Variants in COG5 observed in about 807,000 individuals in gnomAD.
COG5 encodes the protein component of oligomeric golgi complex 5.
A neutral mutation model predicts 110.4 loss-of-function variants in COG5; 86 were observed. The observed-to-expected ratio is 0.78, with a 90% confidence interval of 0.65 to 0.93. The LOEUF is 0.93. COG5 is among the 40% of genes least tolerant of loss of function. COG5 has a pLI of 0.00. For missense variants in COG5, 1,077 were observed against 987.0 expected, an observed-to-expected ratio of 1.09 and a Z score of -1.22; for synonymous variants, 360 against 334.6, an observed-to-expected ratio of 1.08 and a Z score of -0.83.
chr7:107,506,881 G>A (rs1200888171), intron 6 of COG5, among the ~76,000 whole-genome samples: 1 of 152,188 alleles, frequency 6.6e-6, no homozygotes, highest in African/African-American at 2.4e-5. Context: ...AATTCAGTTG[G>A]GAGGTTCTTT....
At position 107,548,099 on chromosome 7, in the gene COG5, G is replaced by T. The variant is rs757628356; in HGVS notation, c.417+12C>A. The T allele has an allele frequency of 3.1e-6, 5 of 1,605,772 alleles. No individual in the cohort carries two copies. Among genetic ancestry groups the T allele is most frequent in the Admixed American group, 3.3e-5 (2 of 59,936 alleles). On this transcript the variant is annotated intron_variant, in intron 5 of 21. Transcript: ENST00000297135. ...AATAATAAAGTATAAAGAAATAAAA[G>T]TAAGAAACTACCTGAAGTCTTGCTA...
At chr7:107,272,176 G>A (rs1178303583) in intron 14 of COG5, among the ~76,000 whole-genome samples, 1 of 152,082 alleles carries the variant, frequency 6.6e-6, no homozygotes, top group East Asian at 1.9e-4. Flanking sequence ...AGTCAAGCTG[G>A]GAACTGCTTA....
At chr7:107,546,868 G>T (rs1802494202) in intron 5 of COG5, among the ~76,000 whole-genome samples, 1 of 152,024 alleles carries the variant, frequency 6.6e-6, no homozygotes, top group African/African-American at 2.4e-5. Flanking sequence ...TGAGTACAGA[G>T]ATTAAATCAG....
At chr7:107,432,021 A>AGT (rs759537741) in intron 6 of COG5, among the ~76,000 whole-genome samples, 10 of 151,936 alleles carry the variant, frequency 6.6e-5, no homozygotes, top group South Asian at 6.2e-4. Flanking sequence ...TTAAACAGGA[A>AGT]GTGTGTGTGT....
chr7:107,506,937 T>C (rs543073877), intron 6 of COG5, among the ~76,000 whole-genome samples: 54 of 152,346 alleles, frequency 3.5e-4, no homozygotes, highest in Admixed American at 2.3e-3. Flanking sequence ...TTCCATGAGA[T>C]ACACTGTGAG....
At chr7:107,543,143 A>G (rs1802166206) in intron 5 of COG5, among the ~76,000 whole-genome samples, 1 of 152,216 alleles carries the variant, frequency 6.6e-6, no homozygotes, top group Non-Finnish European at 1.5e-5. Context: ...CAGCTTGCAG[A>G]CACATTAATT....
intron 5 of COG5, among the ~76,000 whole-genome samples, chr7:107,533,566 G>C (rs566755572): frequency 2.6e-5 from 4 of 151,604 alleles, no homozygotes; most frequent in Non-Finnish European, 4.4e-5. Flanking sequence ...AAGGATATCA[G>C]AGACTGACGA....
chr7:107,398,327 G>A lies in COG5; in HGVS notation c.669+14175C>T, dbSNP rs187364943. ...AATCAGGAGTTCCCAACGCCCCTGG[G>A]CTGCTGACCAGTAAGAGTCGGTGGC... On this transcript the variant is annotated intron_variant, in intron 7 of 21. Coordinates refer to ENST00000297135, the MANE Select transcript of COG5 (RefSeq NM_006348.5). 4.3e-3 allele frequency among the ~76,000 whole-genome samples: 649 copies of A among 152,284 alleles called. 2 individuals are homozygous for A. The highest frequency in any genetic ancestry group is 6.8e-3 in the Non-Finnish European group (466 of 68,030).
At chr7:107,206,114 T>C (rs1418215231) in intron 21 of COG5, among the ~76,000 whole-genome samples, 5 of 152,134 alleles carry the variant, frequency 3.3e-5, no homozygotes, top group Admixed American at 2.6e-4. Flanking sequence ...GCGCCCGCCA[T>C]TGCACCCGGC....
intron 6 of COG5, among the ~76,000 whole-genome samples, chr7:107,465,737 G>C (rs924352578): frequency 3.3e-5 from 5 of 152,168 alleles, no homozygotes; most frequent in African/African-American, 4.8e-5. Flanking sequence ...GACTCAAGTA[G>C]TATAGTGGAT....
At chr7:107,299,855 ATATC>A (rs1218635969) in intron 11 of COG5, among the ~76,000 whole-genome samples, 92 of 136,728 alleles carry the variant, frequency 6.7e-4, no homozygotes, top group African/African-American at 2.2e-3. Context: ...ATATATATAT[ATATC>A]TGGAATTATC....
chr7:107,423,537 G>A (rs1330804903), intron 6 of COG5, among the ~76,000 whole-genome samples: 4 of 151,480 alleles, frequency 2.6e-5, no homozygotes, highest in African/African-American at 7.3e-5. Context: ...ATGAGAGAGG[G>A]AACATTTCCC....
intron 7 of COG5, among the ~76,000 whole-genome samples, chr7:107,378,566 GAGA>G (rs1814828977): frequency 6.6e-6 from 1 of 152,146 alleles, no homozygotes; most frequent in Non-Finnish European, 1.5e-5. Flanking sequence ...AATCAATTTA[GAGA>G]AGAACATAAA....
At chr7:107,205,646 T>C (rs772373312) in intron 21 of COG5, among the ~76,000 whole-genome samples, 1 of 152,234 alleles carries the variant, frequency 6.6e-6, no homozygotes, top group East Asian at 1.9e-4. Flanking sequence ...TTGCACATTA[T>C]CTTCCTTATC....
At chr7:107,528,839 T>C (rs1800965296) in intron 5 of COG5, among the ~76,000 whole-genome samples, 1 of 151,884 alleles carries the variant, frequency 6.6e-6, no homozygotes, top group Non-Finnish European at 1.5e-5. Flanking sequence ...GTGAAATAAA[T>C]ACATACACCA....
chr7:107,423,354 G>A (rs1793423276), intron 6 of COG5, among the ~76,000 whole-genome samples: 1 of 152,102 alleles, frequency 6.6e-6, no homozygotes, highest in Non-Finnish European at 1.5e-5. Flanking sequence ...TATCATCGTG[G>A]AAAACTATGA....
intron 10 of COG5, among the ~76,000 whole-genome samples, chr7:107,333,295 T>G (rs1416416687): frequency 6.6e-6 from 1 of 152,140 alleles, no homozygotes; most frequent in African/African-American, 2.4e-5. Context: ...AAAAATAGCC[T>G]TCGAGGGGAA....
At chr7:107,542,520 A>G (rs1802110873) in intron 5 of COG5, among the ~76,000 whole-genome samples, 1 of 152,264 alleles carries the variant, frequency 6.6e-6, no homozygotes, top group African/African-American at 2.4e-5. Context: ...CTCCCAGGAT[A>G]TAACTTACAC....
At chr7:107,288,269 G>A (rs556124710) in intron 12 of COG5, among the ~76,000 whole-genome samples, 1 of 152,258 alleles carries the variant, frequency 6.6e-6, no homozygotes, top group East Asian at 1.9e-4. Context: ...AGGCTGAGGT[G>A]GAGGACTGCT....
Sources: allele counts gnomAD v4.1 joint callset (sites outside exome capture counted in the v4.1 genomes callset), GRCh38; gene constraint gnomAD v4.1.1; transcripts MANE v1.5; gene names NCBI Gene and HGNC (gene_info 2026-07-23, HGNC 2026-07-21).